The following RBFOX2 variants were observed in gnomAD, a reference collection of about 807,000 sequenced individuals.
The protein encoded by RBFOX2 is RNA binding protein fox-1 homolog 2.
Under a neutral mutation model 49.1 loss-of-function variants are expected in RBFOX2, and 10 were observed. The ratio of observed to expected loss-of-function variants is 0.20; its 90% CI spans 0.13 to 0.35. The LOEUF (loss-of-function observed/expected upper bound fraction) is 0.35. Ranked by LOEUF, RBFOX2 falls within the 10% of genes least tolerant of loss-of-function variation. The pLI is 1.00. For missense variants in RBFOX2, 323 were observed against 486.9 expected, an observed-to-expected ratio of 0.66 and a Z score of 3.17; for synonymous variants, 183 against 187.4, an observed-to-expected ratio of 0.98 and a Z score of 0.19.
chr22:35,988,845 G>T (rs1250787627), intron 1 of RBFOX2, among the ~76,000 whole-genome samples: 3 of 152,212 alleles, frequency 2.0e-5, no homozygotes, highest in Non-Finnish European at 4.4e-5. Flanking sequence ...CAGCAGCTGG[G>T]TAAATGGTGG....
intron 1 of RBFOX2, among the ~76,000 whole-genome samples, chr22:35,865,334 T>G (rs1385196955): frequency 6.6e-6 from 1 of 152,214 alleles, no homozygotes; most frequent in Non-Finnish European, 1.5e-5. Flanking sequence ...ATAGCCACTT[T>G]TGTTTTATAT....
intron 2 of RBFOX2, among the ~76,000 whole-genome samples, chr22:35,800,944 T>C (rs1272644874): frequency 6.6e-6 from 1 of 152,198 alleles, no homozygotes; most frequent in Non-Finnish European, 1.5e-5. Context: ...GGAAGGCTTT[T>C]CAGCAGAGAT....
Position 35,890,905 on chromosome 22 carries a change from A to G in RBFOX2, c.-34+47942T>C, listed in dbSNP as rs565730837. Among the ~76,000 whole-genome samples, 18 of 152,162 alleles carry G rather than the reference A, an allele frequency of 1.2e-4. 1 individual carries two copies. In the South Asian group the frequency reaches 3.5e-3, roughly 30 times the overall value. ...ATGAGATTGCGTTTCCAGGTCTGCC[A>G]TTTACTGCTTGTCATATACTCTCTC... On this transcript the variant is annotated intron_variant, in intron 1 of 13. Coordinates refer to the RBFOX2 transcript ENST00000359369.
At chr22:35,883,675 G>A (rs2046212814) in intron 1 of RBFOX2, among the ~76,000 whole-genome samples, 1 of 152,194 alleles carries the variant, frequency 6.6e-6, no homozygotes, top group Admixed American at 6.5e-5. Flanking sequence ...GAAGGAACCA[G>A]AGGGGATCTG....
intron 4 of RBFOX2, among the ~76,000 whole-genome samples, chr22:35,775,093 C>T (rs1943558307): frequency 6.6e-6 from 1 of 152,028 alleles, no homozygotes; most frequent in African/African-American, 2.4e-5. Flanking sequence ...ACAGTCAACC[C>T]CAAACATATA....
intron 1 of RBFOX2, among the ~76,000 whole-genome samples, chr22:35,968,044 TAA>T (rs1000238926): frequency 3.9e-5 from 6 of 152,186 alleles, no homozygotes; most frequent in Non-Finnish European, 7.4e-5. Flanking sequence ...AACTTTTTCT[TAA>T]GTGTTTTCCA....
At chr22:35,923,016 C>T (rs1380886366) in intron 1 of RBFOX2, among the ~76,000 whole-genome samples, 2 of 152,190 alleles carry the variant, frequency 1.3e-5, no homozygotes, top group Non-Finnish European at 2.9e-5. Context: ...CTTCCCCCAA[C>T]ATTTAGTGTG....
intron 1 of RBFOX2, among the ~76,000 whole-genome samples, chr22:35,955,149 A>G (rs542768913): frequency 6.6e-6 from 1 of 152,340 alleles, no homozygotes; most frequent in South Asian, 2.1e-4. Context: ...CCAATTTAAG[A>G]GGTTTCAACC....
intron 1 of RBFOX2, among the ~76,000 whole-genome samples, chr22:35,960,060 T>G (rs570107506): frequency 1.3e-5 from 2 of 152,292 alleles, no homozygotes; most frequent in African/African-American, 4.8e-5. Flanking sequence ...GTTGGTTGAA[T>G]GCACAGATGT....
At chr22:35,924,317 C>T (rs781409760) in intron 1 of RBFOX2, among the ~76,000 whole-genome samples, 47 of 152,262 alleles carry the variant, frequency 3.1e-4, no homozygotes, top group Admixed American at 6.5e-4. Flanking sequence ...GTGATCCACA[C>T]GACACCACAA....
Position 35,891,281 on chromosome 22 carries a change from G to A in RBFOX2, c.-34+47566C>T, listed in dbSNP as rs539600112. Reference sequence around the variant, plus strand: ...CCTGAGTAGCTGAGACTACAGGTGCGTGCCACCATGCCCAGCTAATTGTTT... The same window carrying A: ...CCTGAGTAGCTGAGACTACAGGTGCATGCCACCATGCCCAGCTAATTGTTT... On this transcript the variant is annotated intron_variant, in intron 1 of 13. Transcript: ENST00000359369. Among the ~76,000 whole-genome samples the A allele has an allele frequency of 1.6e-4, 25 of 152,104 alleles. 2 individuals carry two copies. The highest frequency in any genetic ancestry group is 1.0e-3 in the South Asian group (5 of 4,820).
intron 1 of RBFOX2, among the ~76,000 whole-genome samples, chr22:35,925,997 T>A (rs961787016): frequency 2.6e-5 from 4 of 152,198 alleles, no homozygotes; most frequent in African/African-American, 9.6e-5. Flanking sequence ...CAACCCTAGA[T>A]GAGATCAGTA....
At chr22:35,756,557 G>A (rs1937005147) in intron 9 of RBFOX2, among the ~76,000 whole-genome samples, 2 of 152,144 alleles carry the variant, frequency 1.3e-5, no homozygotes, top group African/African-American at 4.8e-5. Flanking sequence ...AGTAGGGTAG[G>A]GGTGAAGAGG....
intron 1 of RBFOX2, among the ~76,000 whole-genome samples, chr22:36,013,742 A>C (rs1461578443): frequency 2.0e-5 from 3 of 152,172 alleles, no homozygotes; most frequent in Admixed American, 1.3e-4. Context: ...AATGGAGAAA[A>C]GCAAGGAGCA....
chr22:35,800,087 A>C (rs1276327626), intron 2 of RBFOX2, among the ~76,000 whole-genome samples: 1 of 152,212 alleles, frequency 6.6e-6, no homozygotes, highest in Admixed American at 6.5e-5. Context: ...CATTTGATAG[A>C]TGAGGAAACT....
At chr22:35,998,815 T>A (rs981822705) in intron 1 of RBFOX2, 1 of 152,640 alleles carries the variant, frequency 6.6e-6, no homozygotes, top group African/African-American at 2.4e-5. Context: ...TCAAATCTTA[T>A]GAGATGACAT....
At chr22:35,786,883 T>C (rs935928183) in intron 2 of RBFOX2, among the ~76,000 whole-genome samples, 1 of 152,026 alleles carries the variant, frequency 6.6e-6, no homozygotes, top group Non-Finnish European at 1.5e-5. Context: ...ACTGTACCCA[T>C]CCTCTCTTCT....
chr22:35,757,328 A>G (rs985450510), intron 9 of RBFOX2, among the ~76,000 whole-genome samples: 1 of 152,148 alleles, frequency 6.6e-6, no homozygotes, highest in African/African-American at 2.4e-5. Flanking sequence ...GACTTTCCCC[A>G]AAACATTATT....
chr22:35,768,725 C>T (rs1457299279), intron 4 of RBFOX2, among the ~76,000 whole-genome samples: 2 of 152,064 alleles, frequency 1.3e-5, no homozygotes, highest in Non-Finnish European at 2.9e-5. Context: ...TATACATGCC[C>T]CTTTATGTAA....
Sources: gnomAD v4.1 joint callset for allele counts (sites outside exome capture counted in the v4.1 genomes callset) on GRCh38, gnomAD v4.1.1 for gene constraint, MANE v1.5 for transcripts, NCBI Gene and HGNC (gene_info 2026-07-23, HGNC 2026-07-21) for gene names.